ZNF430: variants seen among roughly 807,000 people sequenced by gnomAD.
The protein encoded by ZNF430 is zinc finger protein 430.
A neutral mutation model predicts 56.7 loss-of-function variants in ZNF430; 35 were observed. That is an observed-to-expected ratio of 0.62 (90% CI 0.47 to 0.82). The LOEUF (loss-of-function observed/expected upper bound fraction) is 0.82. ZNF430 is among the 40% of genes least tolerant of loss of function. The pLI is 0.00. For synonymous variants in ZNF430, 212 were observed against 224.3 expected (o/e 0.94, Z 0.49); for missense variants, 574 against 661.0 (o/e 0.87, Z 1.44).
intron 4 of ZNF430, among the ~76,000 whole-genome samples, chr19:21,051,247 A>C (rs1599506506): frequency 6.6e-6 from 1 of 152,176 alleles, no homozygotes; most frequent in East Asian, 1.9e-4. Flanking sequence ...TGGCTGGCTC[A>C]TTTCATTTTG....
At chr19:21,055,844 T>G (rs1291234966) in intron 4 of ZNF430, among the ~76,000 whole-genome samples, 1 of 151,882 alleles carries the variant, frequency 6.6e-6, no homozygotes, top group African/African-American at 2.4e-5. Flanking sequence ...CATTTAGCTT[T>G]GGTCTCAGCA....
chr19:21,049,280 C>G (rs1181334278), intron 4 of ZNF430, among the ~76,000 whole-genome samples: 4 of 148,964 alleles, frequency 2.7e-5, no homozygotes, highest in African/African-American at 9.9e-5. Flanking sequence ...GTTATTGATA[C>G]TACAAATTAT....
At position 21,057,755 on chromosome 19, in the gene ZNF430, A is replaced by T; in HGVS notation, c.1447A>T (p.Lys483Ter). ...ACATAAGGTAATTCATTCTGGAGAG[A>T]AACCCTACAAATGTGAAGAATGTGG... The part of the protein sequence containing the change: ...TAHKVIHSGE[K>*]PYKCEECGKA... The change falls in exon 5 of 5, where the codon AAA (lysine) becomes TAA (stop). Residue 483 changes from lysine (K) to a stop codon, truncating the protein, a stop_gained. Transcript: ENST00000261560. LOFTEE classifies it high-confidence loss of function. 1 of 1,613,758 alleles carries T rather than the reference A, an allele frequency of 6.2e-7. No individual in the cohort carries two copies. Among genetic ancestry groups the T allele is most frequent in the Non-Finnish European group, 8.5e-7 (1 of 1,179,964 alleles).
chr19:21,028,396 T>A (rs1182415251), intron 2 of ZNF430, among the ~76,000 whole-genome samples: 1 of 152,028 alleles, frequency 6.6e-6, no homozygotes, highest in Non-Finnish European at 1.5e-5. Context: ...TGGAGTAGAG[T>A]ATTCTTGTCT....
intron 4 of ZNF430, among the ~76,000 whole-genome samples, chr19:21,054,930 T>C (rs774833913): frequency 2.0e-5 from 3 of 152,084 alleles, no homozygotes; most frequent in Non-Finnish European, 4.4e-5. Context: ...TGTCTCAGCC[T>C]CCCAAAGTGC....
chr19:21,040,266 A>G (rs1968079455), intron 4 of ZNF430, among the ~76,000 whole-genome samples: 1 of 152,212 alleles, frequency 6.6e-6, no homozygotes, highest in Non-Finnish European at 1.5e-5. Flanking sequence ...GGTCTGTGGT[A>G]CAGTTTGGAT....
intron 2 of ZNF430, chr19:21,025,979 T>A (rs1166964363): frequency 4.9e-6 from 2 of 409,160 alleles, no homozygotes; most frequent in Admixed American, 6.7e-5. Flanking sequence ...CATCACACTT[T>A]TTATGAGATA....
Position 21,056,792 on chromosome 19 carries a change from TATG to T in ZNF430, c.489_491del (p.Asp163del), listed in dbSNP as rs772178982. On this transcript the variant is annotated inframe_deletion, in exon 5 of 5. Transcript: ENST00000261560. ...TGAGTGTAATCTGCACAAAGAATGT[TATG>T]ATGAACTAAACCAGTGTTTGACAAC... is the stretch of plus-strand genomic sequence containing the variant. 2.2e-5 allele frequency: 35 copies of T among 1,614,024 alleles called. No individual in the cohort carries two copies. Among genetic ancestry groups the T allele is most frequent in the Non-Finnish European group, 2.7e-5 (32 of 1,179,968 alleles).
intron 4 of ZNF430, among the ~76,000 whole-genome samples, chr19:21,042,866 A>G (rs1269828490): frequency 2.0e-5 from 3 of 151,826 alleles, no homozygotes; most frequent in Non-Finnish European, 4.4e-5. Flanking sequence ...TTTGATTTGC[A>G]TTTCTCTAAC....
chr19:21,027,195 A>G (rs569865187), intron 2 of ZNF430, among the ~76,000 whole-genome samples: 31 of 151,928 alleles, frequency 2.0e-4, no homozygotes, highest in African/African-American at 7.2e-4. Context: ...GTTGAATAGG[A>G]TGTTTGAGAG....
At position 21,022,800 on chromosome 19, in the gene ZNF430, G is replaced by A. The variant is rs749386766; in HGVS notation, c.15G>A (p.Lys5=). The A allele has an allele frequency of 6.2e-7, 1 of 1,612,626 alleles. No individual in the cohort carries two copies. Among genetic ancestry groups the A allele is most frequent in the Non-Finnish European group, 8.5e-7 (1 of 1,178,618 alleles). ...ATTTTCTCCCATAGGAGAACCTGAA[G>A]TCTGGAGTGTATCCTCTCAAGGAAG... MENL[K]SGVYPLKEAS... The change falls in exon 2 of 5, where the codon AAG becomes AAA. Residue 5 remains lysine (K), a synonymous_variant. Coordinates refer to ENST00000261560, the MANE Select transcript of ZNF430 (RefSeq NM_025189.4).
chr19:21,032,581 G>T (rs1040268210), intron 2 of ZNF430, among the ~76,000 whole-genome samples: 2 of 152,104 alleles, frequency 1.3e-5, no homozygotes, highest in African/African-American at 4.8e-5. Context: ...TACAAAATTA[G>T]CTGGGCATGG....
At chr19:21,021,823 A>ATTTTTTTTTTTTTTTTTTTTTTTTTTTT (rs71174785) in intron 1 of ZNF430, among the ~76,000 whole-genome samples, 4 of 85,708 alleles carry the variant, frequency 4.7e-5, no homozygotes, top group African/African-American at 2.1e-4. Flanking sequence ...CCTGAGTTAG[A>ATTTTTTTTTTTTTTTTTTTTTTTTTTTT]TTTTTTTTTT....
chr19:21,027,942 A>G (rs983627156), intron 2 of ZNF430, among the ~76,000 whole-genome samples: 5 of 152,310 alleles, frequency 3.3e-5, no homozygotes, highest in African/African-American at 1.2e-4. Flanking sequence ...ATGTTGCCTC[A>G]GCTTTTTCCT....
Position 21,020,715 on chromosome 19 carries a change from C to CT in ZNF430, c.-85dup. The CT allele has an allele frequency of 2.5e-6, 4 of 1,577,236 alleles. No homozygotes were observed. Among genetic ancestry groups the CT allele is most frequent in the Non-Finnish European group, 3.5e-6 (4 of 1,148,018 alleles). On this transcript the variant is annotated 5_prime_UTR_variant, in exon 1 of 5. Coordinates refer to ENST00000261560, the MANE Select transcript of ZNF430 (RefSeq NM_025189.4). ...CTTCAGCGCTCTGTGTCCTCTGCTCCTAGAGGTCCAGGCTCTGTGGCCCTG... is the reference window on the plus strand; with the variant it reads ...CTTCAGCGCTCTGTGTCCTCTGCTCCTTAGAGGTCCAGGCTCTGTGGCCCTG...
chr19:21,055,859 T>TAA (rs553025414), intron 4 of ZNF430, among the ~76,000 whole-genome samples: 83 of 151,968 alleles, frequency 5.5e-4, no homozygotes, highest in African/African-American at 2.0e-3. Context: ...TCAGCAGACT[T>TAA]AAACTGTCAT....
chr19:21,043,427 G>A (rs1292394078), intron 4 of ZNF430, among the ~76,000 whole-genome samples: 1 of 152,154 alleles, frequency 6.6e-6, no homozygotes, highest in African/African-American at 2.4e-5. Context: ...TCAGATGGTT[G>A]TAGATAAGCA....
rs1968407991 is a variant in ZNF430 at position 21,057,809 on chromosome 19, A to G, written c.1501A>G (p.Thr501Ala). ...AGCTTTTAACCAATTCTCAAACCTT[A>G]CTAAACATAAGATAACTCATATTGG... The part of the protein sequence containing the change: ...GKAFNQFSNL[T>A]KHKITHIGDT... Residue 501 changes from threonine (T) to alanine (A), a missense_variant, in exon 5 of 5, where the codon ACT becomes GCT. Transcript: ENST00000261560. 1.2e-5 allele frequency: 19 copies of G among 1,614,132 alleles called. No individual in the cohort carries two copies. Among genetic ancestry groups the G allele is most frequent in the Non-Finnish European group, 1.5e-5 (18 of 1,180,020 alleles).
At chr19:21,039,313 TG>T (rs1968059899) in intron 4 of ZNF430, among the ~76,000 whole-genome samples, 2 of 151,550 alleles carry the variant, frequency 1.3e-5, no homozygotes, top group Non-Finnish European at 2.9e-5. Flanking sequence ...CATGCTAGTT[TG>T]GAACTCCTGG....
Sources: gnomAD v4.1 joint callset for allele counts (sites outside exome capture counted in the v4.1 genomes callset) on GRCh38, gnomAD v4.1.1 for gene constraint, MANE v1.5 for transcripts, NCBI Gene and HGNC (gene_info 2026-07-23, HGNC 2026-07-21) for gene names.